Variants in GALNT17 observed in about 807,000 individuals in gnomAD.
The protein encoded by GALNT17 is UDP-GalNAc:polypeptide N-acetylgalactosaminyltransferase-like 3.
In GALNT17, 29 loss-of-function variants were observed where a neutral mutation model predicts 63.7. The ratio of observed to expected loss-of-function variants is 0.46; its 90% CI spans 0.34 to 0.62. The LOEUF is 0.62. GALNT17 is among the 20% of genes least tolerant of loss of function. The pLI, the probability that GALNT17 is intolerant of heterozygous loss-of-function variation, is 0.01. For missense variants in GALNT17, 603 were observed against 799.6 expected (o/e 0.75, Z 2.97); for synonymous variants, 305 against 318.3 (o/e 0.96, Z 0.45).
chr7:71,653,032 T>G (rs1790777030), intron 6 of GALNT17, among the ~76,000 whole-genome samples: 1 of 151,770 alleles, frequency 6.6e-6, no homozygotes. Flanking sequence ...GTTTTTGTTT[T>G]TTTTGACAGA....
chr7:71,342,260 G>C (rs73181654), intron 2 of GALNT17, among the ~76,000 whole-genome samples: 24,561 of 152,140 alleles, frequency 0.16, 2,206 homozygotes, highest in South Asian at 0.29. Flanking sequence ...AGGTGAGCCA[G>C]CCTGTCACAT....
At chr7:71,488,353 G>A (rs1401825482) in intron 5 of GALNT17, among the ~76,000 whole-genome samples, 6 of 151,984 alleles carry the variant, frequency 3.9e-5, no homozygotes, top group Admixed American at 6.6e-5. Flanking sequence ...GGAGTACAGC[G>A]TAGTCCTTCC....
chr7:71,490,099 T>C (rs1583998045), intron 5 of GALNT17, among the ~76,000 whole-genome samples: 1 of 151,936 alleles, frequency 6.6e-6, no homozygotes, highest in South Asian at 2.1e-4. Context: ...CTACTAAAAA[T>C]ACAAAAAAAT....
intron 5 of GALNT17, among the ~76,000 whole-genome samples, chr7:71,562,480 C>T (rs1011349838): frequency 3.9e-5 from 6 of 152,160 alleles, no homozygotes; most frequent in Non-Finnish European, 5.9e-5. Context: ...CTAGAGGGTC[C>T]CATCTGGGGG....
rs554503708 is a variant in GALNT17 at position 71,640,733 on chromosome 7, C to T, written c.1081-24678C>T. Among the ~76,000 whole-genome samples, 7 of 151,848 alleles carry T rather than the reference C, an allele frequency of 4.6e-5. No homozygotes were observed. In the South Asian group the frequency reaches 1.5e-3, roughly 32 times the overall value. On this transcript the variant is annotated intron_variant, in intron 6 of 10. Coordinates refer to ENST00000333538, the MANE Select transcript of GALNT17 (RefSeq NM_022479.3). The stretch of plus-strand genomic sequence containing the variant: ...CCTGTGCATTTTGTTTAATTTGATG[C>T]ACTTAAATACATTATTTTCTGTAAT...
At chr7:71,660,308 G>A (rs571918164) in intron 6 of GALNT17, among the ~76,000 whole-genome samples, 14 of 152,148 alleles carry the variant, frequency 9.2e-5, no homozygotes, top group Non-Finnish European at 1.5e-4. Context: ...AGAGCTTGGA[G>A]CGTGCCCTCC....
chr7:71,289,158 A>C lies in GALNT17; in HGVS notation c.239-46392A>C, dbSNP rs139868581. ...AATAGCTTAAGGTTAAAACTGGAGC[A>C]TGTGTTTAAGGTTATTCCTCTCTGT... On this transcript the variant is annotated intron_variant, in intron 1 of 10. Coordinates refer to ENST00000333538, the MANE Select transcript of GALNT17 (RefSeq NM_022479.3). Among the ~76,000 whole-genome samples the C allele has an allele frequency of 2.2e-4, 33 of 149,404 alleles. No individual in the cohort carries two copies. In the East Asian group the frequency reaches 6.1e-3, roughly 28 times the overall value.
At chr7:71,661,928 C>T (rs1790913192) in intron 6 of GALNT17, among the ~76,000 whole-genome samples, 2 of 152,152 alleles carry the variant, frequency 1.3e-5, no homozygotes, top group African/African-American at 4.8e-5. Flanking sequence ...ACACCATCTC[C>T]CTCCCCTTGT....
At chr7:71,435,211 G>A (rs1461259171) in intron 5 of GALNT17, among the ~76,000 whole-genome samples, 1 of 152,082 alleles carries the variant, frequency 6.6e-6, no homozygotes, top group South Asian at 2.1e-4. Context: ...GCCTGAAACT[G>A]CCTTTGCAAA....
At chr7:71,245,207 A>T (rs1226143580) in intron 1 of GALNT17, among the ~76,000 whole-genome samples, 4 of 152,226 alleles carry the variant, frequency 2.6e-5, no homozygotes, top group Middle Eastern at 3.4e-3. Flanking sequence ...GTCATTGTCG[A>T]CAATAATATG....
At chr7:71,328,741 C>G (rs933945519) in intron 1 of GALNT17, among the ~76,000 whole-genome samples, 3 of 149,924 alleles carry the variant, frequency 2.0e-5, no homozygotes, top group Non-Finnish European at 4.4e-5. Context: ...ATATGTAATT[C>G]ACAGGTGTCA....
intron 2 of GALNT17, among the ~76,000 whole-genome samples, chr7:71,336,581 G>A (rs760285321): frequency 1.1e-4 from 16 of 152,102 alleles, no homozygotes; most frequent in Non-Finnish European, 2.1e-4. Flanking sequence ...ACTTATAAGT[G>A]AGAACTGGTG....
intron 1 of GALNT17, among the ~76,000 whole-genome samples, chr7:71,150,223 G>A (rs980848909): frequency 1.3e-5 from 2 of 152,036 alleles, no homozygotes; most frequent in Non-Finnish European, 2.9e-5. Flanking sequence ...TTTTTCTTAT[G>A]GTACCTATTA....
chr7:71,333,344 A>G (rs1563010421), intron 1 of GALNT17, among the ~76,000 whole-genome samples: 1 of 152,164 alleles, frequency 6.6e-6, no homozygotes, highest in African/African-American at 2.4e-5. Flanking sequence ...ATTCTTTTAT[A>G]TTGCCCAATA....
chr7:71,431,204 C>CTTTCTTTTTTTTTT lies in GALNT17; in HGVS notation c.962+10102_962+10103insCTTTTTTTTTTTTT, dbSNP rs1563087533. ...CCCTATGAGTATTTTTTTTTCTTTT[C>CTTTCTTTTTTTTTT]TTTTCTTTTTTTTTTTTTTTTTTTT... On this transcript the variant is annotated intron_variant, in intron 5 of 10. Transcript: ENST00000333538. Among the ~76,000 whole-genome samples, 3 of 136,364 alleles carry CTTTCTTTTTTTTTT rather than the reference C, an allele frequency of 2.2e-5. 1 individual carries two copies. The allele number at this position is 136,364 out of a possible 152,430, so 89.5% of individuals were successfully genotyped here. A position where few individuals can be genotyped will look rare whatever the true frequency, so the allele number is the denominator to read the frequency against.
intron 5 of GALNT17, among the ~76,000 whole-genome samples, chr7:71,435,073 T>G (rs1330957459): frequency 6.6e-6 from 1 of 152,136 alleles, no homozygotes; most frequent in Non-Finnish European, 1.5e-5. Flanking sequence ...ATGCCTATAA[T>G]CCCAGCATTT....
chr7:71,346,828 CT>C (rs1792105346), intron 2 of GALNT17, among the ~76,000 whole-genome samples: 1 of 152,094 alleles, frequency 6.6e-6, no homozygotes. Flanking sequence ...TCTTTCGAAG[CT>C]AACAAAATTC....
chr7:71,290,505 A>T (rs978795619), intron 1 of GALNT17, among the ~76,000 whole-genome samples: 1 of 151,990 alleles, frequency 6.6e-6, no homozygotes, highest in Middle Eastern at 3.2e-3. Context: ...TGGCCCGGGG[A>T]GGCTACCCTG....
At chr7:71,521,724 A>G (rs1788534282) in intron 5 of GALNT17, among the ~76,000 whole-genome samples, 1 of 152,166 alleles carries the variant, frequency 6.6e-6, no homozygotes, top group African/African-American at 2.4e-5. Flanking sequence ...TTTCTTCCTG[A>G]TGCTTTTGGT....
Sources: gnomAD v4.1 joint callset for allele counts (sites outside exome capture counted in the v4.1 genomes callset) on GRCh38, gnomAD v4.1.1 for gene constraint, MANE v1.5 for transcripts, NCBI Gene and HGNC (gene_info 2026-07-23, HGNC 2026-07-21) for gene names.